Variants in CPNE4 observed in about 807,000 individuals in gnomAD.
CPNE4 encodes copine 4.
CPNE4 carries 25 observed loss-of-function variants against 67.9 expected under a neutral mutation model. That is an observed-to-expected ratio of 0.37 (90% confidence interval 0.27 to 0.51). The LOEUF (loss-of-function observed/expected upper bound fraction) is 0.51. Among genes scored for constraint, CPNE4 ranks in the 20% least tolerant of loss-of-function variants. The probability of loss-of-function intolerance (pLI) is 0.93; values close to 1 mark genes in which losing one functional copy is unlikely to be tolerated. For missense variants in CPNE4, 464 were observed against 690.8 expected (o/e 0.67, Z 3.68); for synonymous variants, 242 against 244.9 (o/e 0.99, Z 0.11).
rs935740649 is a variant in CPNE4, at chr3:131,993,615, T to C, written c.-2+40952A>G. ...CAGAATCAAAGCCCTTGGTAGAAGA[T>C]GAGCTCTAGAAAGTTTTCTAACCCA... On this transcript the variant is annotated intron_variant, in intron 1 of 15. Coordinates refer to ENST00000429747, the MANE Select transcript of CPNE4 (RefSeq NM_130808.3). Among the ~76,000 whole-genome samples, 8 of 135,144 alleles carry C rather than the reference T, an allele frequency of 5.9e-5. 3 individuals carry two copies. Among genetic ancestry groups the C allele is most frequent in the Admixed American group, 8.4e-5 (1 of 11,868 alleles). 88.7% of individuals were successfully genotyped at this position (135,144 alleles called of 152,430 possible). A position where few individuals can be genotyped will look rare whatever the true frequency, so the allele number is the denominator to read the frequency against.
At chr3:131,583,857 A>G (rs1023467093) in intron 8 of CPNE4, among the ~76,000 whole-genome samples, 4 of 152,146 alleles carry the variant, frequency 2.6e-5, no homozygotes, top group Admixed American at 2.0e-4. Flanking sequence ...TGAGGCTCAG[A>G]GAAGAGAAAG....
rs1459392044 is a variant in CPNE4 at position 131,723,428 on chromosome 3, G to A, written c.360+18C>T. On this transcript the variant is annotated intron_variant, in intron 3 of 15. Transcript: ENST00000429747. ...CCCTAGGATGGCAAGGAGGAGGAAG[G>A]GATGTCTGTTGACCCACCTGGCCAA... The A allele has an allele frequency of 4.4e-6, 7 of 1,608,302 alleles. No individual in the cohort carries two copies. Among genetic ancestry groups the A allele is most frequent in the Admixed American group, 1.7e-5 (1 of 59,862 alleles).
chr3:131,873,007 C>T (rs534038425), intron 2 of CPNE4, among the ~76,000 whole-genome samples: 13 of 152,200 alleles, frequency 8.5e-5, no homozygotes, highest in South Asian at 4.2e-4. Flanking sequence ...TGCTTCAGGC[C>T]GCTAAGGTTT....
intron 2 of CPNE4, among the ~76,000 whole-genome samples, chr3:131,882,209 T>C (rs1170324025): frequency 3.3e-5 from 5 of 151,998 alleles, no homozygotes; most frequent in African/African-American, 1.2e-4. Flanking sequence ...AATATGTTAA[T>C]AAGTTATGGT....
At chr3:131,874,263 T>C (rs561564883) in intron 2 of CPNE4, among the ~76,000 whole-genome samples, 9 of 152,202 alleles carry the variant, frequency 5.9e-5, no homozygotes, top group African/African-American at 2.2e-4. Context: ...TAATTTTTTG[T>C]ATTTTCAGTA....
At chr3:131,615,632 ATTTTTATAGATCATAAGT>A (rs1354092819) in intron 7 of CPNE4, among the ~76,000 whole-genome samples, 1 of 152,092 alleles carries the variant, frequency 6.6e-6, no homozygotes, top group African/African-American at 2.4e-5. Context: ...GTTGGAATTT[ATTTTTATAGATCATAAGT>A]TTTTTATAGG....
chr3:131,972,979 G>A (rs1365348581), intron 1 of CPNE4, among the ~76,000 whole-genome samples: 1 of 152,090 alleles, frequency 6.6e-6, no homozygotes, highest in Non-Finnish European at 1.5e-5. Flanking sequence ...AAGAATTGGA[G>A]CATACAAAGG....
intron 7 of CPNE4, among the ~76,000 whole-genome samples, chr3:131,636,562 T>C (rs2079391961): frequency 6.6e-6 from 1 of 152,110 alleles, no homozygotes; most frequent in Admixed American, 6.5e-5. Context: ...CTACCTTCTG[T>C]GGTAGCTGAA....
intron 10 of CPNE4, among the ~76,000 whole-genome samples, chr3:131,570,861 T>C (rs1451379004): frequency 6.6e-6 from 1 of 152,058 alleles, no homozygotes; most frequent in Admixed American, 6.6e-5. Context: ...TAGCATCATT[T>C]ATCTCTTTCC....
At chr3:131,860,258 G>A (rs575274100) in intron 2 of CPNE4, among the ~76,000 whole-genome samples, 2 of 152,304 alleles carry the variant, frequency 1.3e-5, no homozygotes, top group East Asian at 3.9e-4. Flanking sequence ...AGAGTTAGTA[G>A]TTTAGTTATT....
intron 14 of CPNE4, chr3:131,543,080 A>C (rs1935613790): frequency 2.9e-6 from 1 of 348,464 alleles, no homozygotes; most frequent in Non-Finnish European, 5.3e-6. Context: ...TCAAAGCCTC[A>C]TTCTGTGAGA....
In CPNE4 at chr3:131,581,562, G is replaced by C; in HGVS notation, c.867+17C>G. On this transcript the variant is annotated intron_variant, in intron 9 of 15. Coordinates refer to ENST00000429747, the MANE Select transcript of CPNE4 (RefSeq NM_130808.3). ...GCCCTAGCTTCATACTCCTGGAAGA[G>C]AGGGTTGTGTACATACCTTGCACAG... The C allele has an allele frequency of 6.4e-7, 1 of 1,555,636 alleles. No individual in the cohort carries two copies. The highest frequency in any genetic ancestry group is 1.4e-5 in the African/African-American group (1 of 73,944).
chr3:131,695,159 C>T (rs1269104127), intron 5 of CPNE4, among the ~76,000 whole-genome samples: 8 of 152,138 alleles, frequency 5.3e-5, no homozygotes. Context: ...GAGCAAAGGC[C>T]TCTGATTTGT....
chr3:131,723,653 G>C (rs779887566), intron 2 of CPNE4, 28 bp from the exon 3 acceptor site: 1 of 1,581,992 alleles, frequency 6.3e-7, no homozygotes, highest in South Asian at 1.1e-5. Context: ...AAACCTATCA[G>C]AGATAAGGAT....
chr3:131,853,595 T>A (rs1352604685), intron 2 of CPNE4, among the ~76,000 whole-genome samples: 7 of 151,816 alleles, frequency 4.6e-5, no homozygotes, highest in Admixed American at 1.3e-4. Flanking sequence ...TAACCAAACT[T>A]TTTTTCTCTT....
At chr3:131,954,493 A>G (rs891100723) in intron 1 of CPNE4, among the ~76,000 whole-genome samples, 36 of 151,140 alleles carry the variant, frequency 2.4e-4, no homozygotes, top group African/African-American at 8.4e-4. Flanking sequence ...TGGTAGAAGA[A>G]CTCTTTTTTT....
intron 6 of CPNE4, among the ~76,000 whole-genome samples, chr3:131,672,675 T>G (rs1326344221): frequency 1.3e-5 from 2 of 152,128 alleles, no homozygotes; most frequent in African/African-American, 4.8e-5. Flanking sequence ...CATTTCCAAA[T>G]TGAATTATTA....
Position 131,808,835 on chromosome 3 carries a change from A to G in CPNE4, c.181-85210T>C, listed in dbSNP as rs140565554. ...AAATTATTCTTTGCCCATTTACAGA[A>G]GAATTTATTGTATTGAAAGGGATTT... On this transcript the variant is annotated intron_variant, in intron 2 of 15. Transcript: ENST00000429747. Among the ~76,000 whole-genome samples the G allele has an allele frequency of 1.1e-3, 164 of 152,300 alleles. 1 individual carries two copies. Among genetic ancestry groups the G allele is most frequent in the African/African-American group, 3.8e-3 (160 of 41,582 alleles).
intron 4 of CPNE4, among the ~76,000 whole-genome samples, chr3:131,697,550 A>G (rs1048311351): frequency 6.6e-6 from 1 of 152,216 alleles, no homozygotes; most frequent in Non-Finnish European, 1.5e-5. Flanking sequence ...TGGAAAATTT[A>G]AATTATTTAC....
Sources: gnomAD v4.1 joint callset for allele counts (sites outside exome capture counted in the v4.1 genomes callset) on GRCh38, gnomAD v4.1.1 for gene constraint, MANE v1.5 for transcripts, NCBI Gene and HGNC (gene_info 2026-07-23, HGNC 2026-07-21) for gene names.